FLAD1: variants seen among roughly 807,000 people sequenced by gnomAD.
FLAD1 encodes the protein flavin adenine dinucleotide synthetase 1, also known as bifunctional FAD diphosphatase/FAD synthase.
A neutral mutation model predicts 55.0 loss-of-function variants in FLAD1; 35 were observed. The observed-to-expected ratio is 0.64, with a 90% CI of 0.49 to 0.84. FLAD1 has a LOEUF of 0.84. Among genes scored for constraint, FLAD1 ranks in the 40% least tolerant of loss-of-function variants. FLAD1 has a pLI of 0.00. For synonymous variants in FLAD1, 267 were observed against 303.0 expected (o/e 0.88, Z 1.23); for missense variants, 665 against 742.6 (o/e 0.90, Z 1.21).
At chr1:154,985,683 A>G (rs1289379837) in intron 1 of FLAD1, among the ~76,000 whole-genome samples, 15 of 143,940 alleles carry the variant, frequency 1.0e-4, no homozygotes, top group African/African-American at 3.9e-4. Context: ...TTGGGATTAC[A>G]GGCGTGAGCC....
chr1:154,985,031 A>ATTTTTTTTTTTTTTTTTTTTTT (rs749772991), intron 1 of FLAD1, among the ~76,000 whole-genome samples: 8 of 32,588 alleles, frequency 2.5e-4, no homozygotes, highest in Admixed American at 5.2e-4. Flanking sequence ...CACCTGGCTA[A>ATTTTTTTTTTTTTTTTTTTTTT]TTTTTTTTTT....
At position 154,992,787 on chromosome 1, in the gene FLAD1, G is replaced by A; in HGVS notation, c.1628+1G>A. 3.7e-6 allele frequency: 6 copies of A among 1,614,182 alleles called. No individual in the cohort carries two copies. Among genetic ancestry groups the A allele is most frequent in the Non-Finnish European group, 5.1e-6 (6 of 1,180,026 alleles). The stretch of plus-strand genomic sequence containing the variant: ...CATACTGTATCCTGTATGACCGAGG[G>A]TAAGGGTATTAGGGGAAGGGAATGG... On this transcript the variant is annotated splice_donor_variant, in intron 6 of 6. Transcript: ENST00000292180. LOFTEE classifies it high-confidence loss of function.
At position 154,988,141 on chromosome 1, in the gene FLAD1, C is replaced by T. The variant is rs367959633; in HGVS notation, c.409C>T (p.Arg137Trp). 24 of 1,614,108 alleles carry T rather than the reference C, an allele frequency of 1.5e-5. No individual in the cohort carries two copies. The African/African-American group carries it at 1.6e-4, about 11-fold the overall frequency. Reference sequence around the variant, plus strand: ...GGACACCAACACCTTCTTTCTGTGCCGGACACTGCGCTCCCTAGGGGTCCA... The same window carrying T: ...GGACACCAACACCTTCTTTCTGTGCTGGACACTGCGCTCCCTAGGGGTCCA... Reference protein sequence around the residue: ...TQDTNTFFLCRTLRSLGVQVC... With the variant: ...TQDTNTFFLCWTLRSLGVQVC... Residue 137 changes from arginine to tryptophan, a missense_variant, in exon 2 of 7, where the codon CGG (arginine) becomes TGG (tryptophan). Physicochemically the swap from Arg to Trp is moderately radical, Grantham distance 101. Transcript: ENST00000292180.
Position 154,992,697 on chromosome 1 carries a change from T to C in FLAD1, c.1555-16T>C, listed in dbSNP as rs1273916597. 6.2e-7 allele frequency: 1 copy of C among 1,614,206 alleles called. No homozygotes were observed. Among genetic ancestry groups the C allele is most frequent in the South Asian group, 1.1e-5 (1 of 91,090 alleles). ...AGGTGAGCATTTGTGACTATTCTAT[T>C]ACTCTGACCTCCCAGGACTGGACCT... On this transcript the variant is annotated splice_polypyrimidine_tract_variant and intron_variant, in intron 5 of 6. Transcript: ENST00000292180.
rs746096980 is a variant in FLAD1, at chr1:154,988,602, A to C, written c.870A>C (p.Glu290Asp). ...AGGAGCTATATGTGGCTGCTGATGAAGCCTCCATCGCCCCCATTCTGGCTG... is the reference window on the plus strand; with the variant it reads ...AGGAGCTATATGTGGCTGCTGATGACGCCTCCATCGCCCCCATTCTGGCTG... Reference protein sequence around the residue: ...HSKELYVAADEASIAPILAEA... With the variant: ...HSKELYVAADDASIAPILAEA... The change falls in exon 2 of 7, where the codon GAA becomes GAC. Residue 290 changes from glutamate to aspartate, a missense_variant. Glu to Asp is a conservative substitution (Grantham distance 45). Transcript: ENST00000292180. 1 of 1,614,206 alleles carries C rather than the reference A, an allele frequency of 6.2e-7. No homozygotes were observed. Among genetic ancestry groups the C allele is most frequent in the Admixed American group, 1.7e-5 (1 of 60,024 alleles).
intron 1 of FLAD1, 154 bp from the exon 2 acceptor site, chr1:154,987,951 C>T: frequency 6.6e-7 from 1 of 1,509,852 alleles, no homozygotes. Context: ...TGGATTTTCC[C>T]ACTCTTGTGT....
At chr1:154,986,780 T>G (rs1397603196) in intron 1 of FLAD1, among the ~76,000 whole-genome samples, 3 of 150,026 alleles carry the variant, frequency 2.0e-5, no homozygotes, top group Non-Finnish European at 4.4e-5. Flanking sequence ...TATTTTTTTG[T>G]AGAGACAGGG....
intron 1 of FLAD1, chr1:154,987,867 G>A: frequency 7.8e-7 from 1 of 1,284,998 alleles, no homozygotes; most frequent in East Asian, 2.6e-5. Context: ...AGGAGGTTGA[G>A]GCTGCAGTGA....
At chr1:154,992,605 A>G (rs773932742) in intron 5 of FLAD1, 108 bp from the exon 6 acceptor site, 1 of 1,614,044 alleles carries the variant, frequency 6.2e-7, no homozygotes, top group Admixed American at 1.7e-5. Flanking sequence ...GCCCTCCCTC[A>G]GAGGCCAAGG....
At chr1:154,985,031 A>ATTTTTTTTTTTTTTTTTTTTT (rs749772991) in intron 1 of FLAD1, among the ~76,000 whole-genome samples, 4 of 32,586 alleles carry the variant, frequency 1.2e-4, no homozygotes, top group Non-Finnish European at 1.6e-4. Flanking sequence ...CACCTGGCTA[A>ATTTTTTTTTTTTTTTTTTTTT]TTTTTTTTTT....
chr1:154,984,066 GGT>G lies in FLAD1; in HGVS notation c.372+5_372+6del, dbSNP rs1300394207. 1 of 1,506,268 alleles carries G rather than the reference GGT, an allele frequency of 6.6e-7. No individual in the cohort carries two copies. Among genetic ancestry groups the G allele is most frequent in the Non-Finnish European group, 8.9e-7 (1 of 1,127,094 alleles). The allele number at this position is 1,506,268 out of a possible 1,614,324, so 93.3% of individuals were successfully genotyped here. ...TCATTGTTGGAGATGAGATCCTTAAGGTGTGTCTGGGACAGAAAAGGGGGGAG... is the reference window on the plus strand; with the variant it reads ...TCATTGTTGGAGATGAGATCCTTAAGGTGTCTGGGACAGAAAAGGGGGGAG... On this transcript the variant is annotated splice_donor_variant, in intron 1 of 6. Coordinates refer to ENST00000292180, the MANE Select transcript of FLAD1 (RefSeq NM_025207.5). LOFTEE classifies it high-confidence loss of function.
intron 1 of FLAD1, among the ~76,000 whole-genome samples, chr1:154,984,472 G>T (rs1657472376): frequency 6.6e-6 from 1 of 152,026 alleles, no homozygotes; most frequent in South Asian, 2.1e-4. Context: ...CCAGCACTTT[G>T]GGAGGCCGAG....
rs767770610 is a variant in FLAD1 at position 154,989,623 on chromosome 1, A to G, written c.1181A>G (p.Tyr394Cys). Residue 394 changes from tyrosine (Y) to cysteine (C), a missense_variant, in exon 3 of 7, where the codon TAC (tyrosine) becomes TGC (cysteine). Transcript: ENST00000292180. ...LQTIETSLAQ[Y>C]SLTQLCVGFN... ...ACCATTGAGACCTCCCTGGCTCAGT[A>G]CAGCCTCACCCAGCTCTGTGTGGGC... 4.4e-6 allele frequency: 7 copies of G among 1,604,698 alleles called. No individual in the cohort carries two copies. The African/African-American group carries it at 9.4e-5, about 22-fold the overall frequency.
intron 1 of FLAD1, among the ~76,000 whole-genome samples, chr1:154,986,489 A>G (rs1001414648): frequency 6.6e-6 from 1 of 152,280 alleles, no homozygotes; most frequent in Admixed American, 6.5e-5. Flanking sequence ...TACATCACAT[A>G]TATGTGATTT....
intron 5 of FLAD1, chr1:154,991,221 A>ATATATATATATATATATATGT: frequency 7.6e-6 from 1 of 131,478 alleles, no homozygotes; most frequent in East Asian, 2.3e-4. Context: ...AAAAAAAAAA[A>ATATATATATATATATATATGT]AAAAATATAT....
intron 1 of FLAD1, among the ~76,000 whole-genome samples, chr1:154,986,704 C>CCCTCTTT (rs1657626991): frequency 1.1e-5 from 1 of 91,700 alleles, no homozygotes; most frequent in Non-Finnish European, 2.1e-5. Flanking sequence ...GCCCCCCACC[C>CCCTCTTT]TTTTTTTTTT....
At chr1:154,989,483 C>T in intron 2 of FLAD1, 77 bp from the exon 3 acceptor site, 1 of 1,363,944 alleles carries the variant, frequency 7.3e-7, no homozygotes, top group Non-Finnish European at 9.9e-7. Context: ...AGGGTTTAAG[C>T]AAGGGCAGCA....
Position 154,983,920 on chromosome 1 carries a change from C to T in FLAD1, c.226C>T (p.Arg76Ter), listed in dbSNP as rs1657443159. The T allele has an allele frequency of 1.2e-6, 2 of 1,610,726 alleles. No individual in the cohort carries two copies. Among genetic ancestry groups the T allele is most frequent in the Non-Finnish European group, 8.5e-7 (1 of 1,177,956 alleles). The change falls in exon 1 of 7, where the codon CGA becomes TGA. Residue 76 changes from arginine (R) to a stop codon, truncating the protein, a stop_gained. Transcript: ENST00000292180. LOFTEE classifies it high-confidence loss of function. ...PVDLAGPPCLRPLFGGLGGYW... is the reference protein window; with the variant it reads ...PVDLAGPPCL ...AGACCTGGCAGGCCCCCCGTGCTTG[C>T]GACCCCTATTTGGGGGTCTGGGTGG...
chr1:154,985,285 A>C lies in FLAD1; in HGVS notation c.372+1219A>C, dbSNP rs553273489. Among the ~76,000 whole-genome samples the C allele has an allele frequency of 6.2e-5, 9 of 146,232 alleles. 1 individual carries two copies. The South Asian group carries it at 1.9e-3, about 31-fold the overall frequency. ...CACTCTGTTGCCCAGGCTGGAGTGCATTGGTGGGATCTCAGCTGACTGCAC... is the reference window on the plus strand; with the variant it reads ...CACTCTGTTGCCCAGGCTGGAGTGCCTTGGTGGGATCTCAGCTGACTGCAC... On this transcript the variant is annotated intron_variant, in intron 1 of 6. Coordinates refer to ENST00000292180, the MANE Select transcript of FLAD1 (RefSeq NM_025207.5).
Sources: gnomAD v4.1 joint callset for allele counts (sites outside exome capture counted in the v4.1 genomes callset) on GRCh38, gnomAD v4.1.1 for gene constraint, MANE v1.5 for transcripts, NCBI Gene and HGNC (gene_info 2026-07-23, HGNC 2026-07-21) for gene names.